SOX6: variants seen among roughly 807,000 people sequenced by gnomAD.
SOX6 encodes transcription factor SOX-6.
In SOX6, 11 loss-of-function variants were observed where a neutral mutation model predicts 97.8. That is an observed-to-expected ratio of 0.11 (90% CI 0.07 to 0.19). SOX6 has a LOEUF of 0.19. SOX6 is among the 10% of genes least tolerant of loss of function. The pLI is 1.00. For missense variants in SOX6, 810 were observed against 1,039.5 expected (o/e 0.78, Z 3.04); for synonymous variants, 360 against 371.4 (o/e 0.97, Z 0.35).
chr11:16,034,674 G>T (rs953914702), intron 12 of SOX6, among the ~76,000 whole-genome samples: 4 of 152,150 alleles, frequency 2.6e-5, no homozygotes, highest in African/African-American at 4.8e-5. Flanking sequence ...ACCACAAAGG[G>T]AAGGGAGTAG....
intron 2 of SOX6, among the ~76,000 whole-genome samples, chr11:16,721,502 C>T (rs1476632134): frequency 3.9e-4 from 3 of 7,738 alleles, no homozygotes; most frequent in Non-Finnish European, 7.9e-4. Flanking sequence ...TCTTTTCTGT[C>T]TCTCTCTCTC....
chr11:16,581,425 G>C (rs1848031264), intron 4 of SOX6, among the ~76,000 whole-genome samples: 1 of 152,048 alleles, frequency 6.6e-6, no homozygotes, highest in Non-Finnish European at 1.5e-5. Flanking sequence ...ACAGGGAGAG[G>C]AACAACACAC....
chr11:16,017,950 C>T (rs1854937062), intron 12 of SOX6, among the ~76,000 whole-genome samples: 1 of 152,090 alleles, frequency 6.6e-6, no homozygotes, highest in Non-Finnish European at 1.5e-5. Flanking sequence ...GTGGATTTTA[C>T]ATGCAGCAAT....
intron 7 of SOX6, among the ~76,000 whole-genome samples, chr11:16,109,081 T>C (rs1226140478): frequency 6.6e-6 from 1 of 152,174 alleles, no homozygotes; most frequent in East Asian, 1.9e-4. Context: ...GTAGCACTTG[T>C]TCATCTTGTT....
At chr11:16,080,788 C>A (rs1848456259) in intron 9 of SOX6, among the ~76,000 whole-genome samples, 1 of 152,090 alleles carries the variant, frequency 6.6e-6, no homozygotes, top group Admixed American at 6.6e-5. Flanking sequence ...AACACCATCA[C>A]TGGGAACAAT....
intron 15 of SOX6, among the ~76,000 whole-genome samples, chr11:15,977,678 G>A (rs947296018): frequency 2.6e-5 from 4 of 151,984 alleles, no homozygotes; most frequent in African/African-American, 9.7e-5. Context: ...CTTGGCTGGA[G>A]AAAATACACT....
At chr11:16,595,303 C>T (rs1015977275) in intron 4 of SOX6, among the ~76,000 whole-genome samples, 1 of 151,874 alleles carries the variant, frequency 6.6e-6, no homozygotes, top group African/African-American at 2.4e-5. Flanking sequence ...GCCTATGTGA[C>T]CACCAATCTC....
chr11:16,071,965 A>C (rs1054536021), intron 9 of SOX6, among the ~76,000 whole-genome samples: 14 of 152,118 alleles, frequency 9.2e-5, no homozygotes, highest in African/African-American at 3.1e-4. Flanking sequence ...GACTGAAGGA[A>C]CATCAGCCCA....
intron 3 of SOX6, among the ~76,000 whole-genome samples, chr11:16,308,337 A>C (rs920749667): frequency 1.3e-5 from 2 of 152,246 alleles, no homozygotes; most frequent in Non-Finnish European, 1.5e-5. Context: ...GTAAAAGAAA[A>C]TCAAAATGGC....
intron 4 of SOX6, among the ~76,000 whole-genome samples, chr11:16,566,914 G>A (rs1020255673): frequency 6.6e-6 from 1 of 152,172 alleles, no homozygotes; most frequent in African/African-American, 2.4e-5. Context: ...CCAAAAAGTG[G>A]AAACAACCTA....
Position 15,971,794 on chromosome 11 carries a change from T to C in SOX6, c.*1015A>G, listed in dbSNP as rs1207309439. The stretch of plus-strand genomic sequence containing the variant: ...GGGAAGGAAGGTGAAAAACAAGAAT[T>C]ATTAAATTAATGCCACCAACAATTG... On this transcript the variant is annotated 3_prime_UTR_variant, in exon 16 of 16. Transcript: ENST00000683767. 1.3e-5 allele frequency: 2 copies of C among 152,514 alleles called. No individual in the cohort carries two copies. Among genetic ancestry groups the C allele is most frequent in the Non-Finnish European group, 2.9e-5 (2 of 68,020 alleles). The allele number at this position is 152,514 out of a possible 1,614,324, so 9.4% of individuals were successfully genotyped here.
chr11:16,207,964 A>C (rs1240299744), intron 4 of SOX6, among the ~76,000 whole-genome samples: 1 of 152,126 alleles, frequency 6.6e-6, no homozygotes, highest in South Asian at 2.1e-4. Flanking sequence ...AATAAATACT[A>C]ATTTACAATT....
intron 4 of SOX6, among the ~76,000 whole-genome samples, chr11:16,550,044 A>G (rs1847665069): frequency 6.6e-6 from 1 of 152,160 alleles, no homozygotes; most frequent in South Asian, 2.1e-4. Flanking sequence ...CCATCCCATT[A>G]CTGGGTAACT....
intron 7 of SOX6, among the ~76,000 whole-genome samples, chr11:16,102,371 A>C (rs930933571): frequency 1.2e-4 from 19 of 152,016 alleles, no homozygotes. Flanking sequence ...GCTGAAAGAA[A>C]TCATAGATTA....
chr11:16,655,495 CA>C (rs1490915892), intron 3 of SOX6, among the ~76,000 whole-genome samples: 1 of 152,172 alleles, frequency 6.6e-6, no homozygotes, highest in Non-Finnish European at 1.5e-5. Flanking sequence ...GCAAGATTAA[CA>C]AAAATTGAGC....
At chr11:16,341,362 A>G (rs1017974357) in intron 1 of SOX6, 110 bp from the exon 2 acceptor site, 2 of 1,447,836 alleles carry the variant, frequency 1.4e-6, no homozygotes, top group Non-Finnish European at 1.8e-6. Flanking sequence ...AACTTTAGAG[A>G]TATTTGTGGT....
intron 13 of SOX6, among the ~76,000 whole-genome samples, chr11:16,007,410 G>A (rs1284227067): frequency 6.6e-6 from 1 of 152,076 alleles, no homozygotes; most frequent in African/African-American, 2.4e-5. Context: ...ATGTCATTAA[G>A]TGGTGCATGA....
intron 3 of SOX6, among the ~76,000 whole-genome samples, chr11:16,671,914 C>G (rs528551789): frequency 1.3e-5 from 2 of 152,126 alleles, no homozygotes; most frequent in Non-Finnish European, 2.9e-5. Flanking sequence ...GGCAGGTCAC[C>G]TACAAAGGAA....
intron 6 of SOX6, among the ~76,000 whole-genome samples, chr11:16,150,494 T>C (rs1280737688): frequency 6.6e-6 from 1 of 152,078 alleles, no homozygotes; most frequent in East Asian, 1.9e-4. Context: ...CTAAACAAGA[T>C]TTCTTCCCTC....
Sources: gnomAD v4.1 joint callset for allele counts (sites outside exome capture counted in the v4.1 genomes callset) on GRCh38, gnomAD v4.1.1 for gene constraint, MANE v1.5 for transcripts, NCBI Gene and HGNC (gene_info 2026-07-23, HGNC 2026-07-21) for gene names.